Variants in SLC35F1 observed in about 807,000 individuals in gnomAD.
SLC35F1 encodes the protein solute carrier family 35 member F1, also known as chromosome 6 open reading frame 169.
A neutral mutation model predicts 48.7 loss-of-function variants in SLC35F1; 14 were observed. The observed-to-expected ratio is 0.29, with a 90% CI of 0.19 to 0.45. The LOEUF is 0.45. SLC35F1 is among the 20% of genes least tolerant of loss of function. The pLI is 1.00. For synonymous variants in SLC35F1, 190 were observed against 202.2 expected (o/e 0.94, Z 0.51); for missense variants, 404 against 500.0 (o/e 0.81, Z 1.83).
intron 2 of SLC35F1, among the ~76,000 whole-genome samples, chr6:118,180,822 C>T (rs571253695): frequency 6.6e-6 from 1 of 152,042 alleles, no homozygotes; most frequent in Admixed American, 6.6e-5. Flanking sequence ...ATAAAAGACA[C>T]AAATGCCTAG....
chr6:118,002,847 G>T (rs1777122188), intron 1 of SLC35F1, among the ~76,000 whole-genome samples: 1 of 151,498 alleles, frequency 6.6e-6, no homozygotes, highest in South Asian at 2.1e-4. Context: ...TTATTTTTGA[G>T]AATTAAAAAA....
At chr6:118,150,872 C>T (rs988628387) in intron 1 of SLC35F1, among the ~76,000 whole-genome samples, 1 of 152,042 alleles carries the variant, frequency 6.6e-6, no homozygotes, top group Non-Finnish European at 1.5e-5. Context: ...GCAAAGTCAA[C>T]ATCTCTAATT....
intron 1 of SLC35F1, among the ~76,000 whole-genome samples, chr6:118,058,836 A>T (rs1772497193): frequency 6.6e-6 from 1 of 152,192 alleles, no homozygotes; most frequent in Admixed American, 6.5e-5. Flanking sequence ...ACTTCAGAAC[A>T]TACAATCTGG....
At chr6:118,245,815 G>T (rs1169854868) in intron 3 of SLC35F1, among the ~76,000 whole-genome samples, 1 of 152,142 alleles carries the variant, frequency 6.6e-6, no homozygotes, top group Non-Finnish European at 1.5e-5. Context: ...GCTGGGTGTG[G>T]GGCTTCTGCC....
intron 1 of SLC35F1, among the ~76,000 whole-genome samples, chr6:118,064,613 G>A (rs755672426): frequency 6.6e-6 from 1 of 152,082 alleles, no homozygotes; most frequent in Non-Finnish European, 1.5e-5. Context: ...GTTTCTATTG[G>A]GAAGTCTCAG....
intron 2 of SLC35F1, among the ~76,000 whole-genome samples, chr6:118,182,757 T>G (rs1343225221): frequency 6.6e-6 from 1 of 152,118 alleles, no homozygotes; most frequent in African/African-American, 2.4e-5. Context: ...GATGTGGATG[T>G]TCTATATTAT....
intron 3 of SLC35F1, among the ~76,000 whole-genome samples, chr6:118,258,924 A>G (rs1775678567): frequency 6.6e-6 from 1 of 151,938 alleles, no homozygotes; most frequent in Non-Finnish European, 1.5e-5. Flanking sequence ...AAATAACTAA[A>G]AGAACACATA....
chr6:118,013,750 G>C (rs1777283234), intron 1 of SLC35F1, among the ~76,000 whole-genome samples: 1 of 152,016 alleles, frequency 6.6e-6, no homozygotes, highest in South Asian at 2.1e-4. Flanking sequence ...GATTGTTTTA[G>C]CATGCTCTAG....
chr6:118,119,127 C>T (rs959434287), intron 1 of SLC35F1, among the ~76,000 whole-genome samples: 3 of 152,118 alleles, frequency 2.0e-5, no homozygotes, highest in African/African-American at 4.8e-5. Flanking sequence ...ATAAGTATTG[C>T]TCAGTGGTCA....
chr6:118,226,559 C>T (rs967781781), intron 2 of SLC35F1, among the ~76,000 whole-genome samples: 6 of 151,962 alleles, frequency 3.9e-5, no homozygotes, highest in Non-Finnish European at 7.4e-5. Context: ...TTTGCAACAA[C>T]ATGGATGGAA....
At chr6:118,261,470 C>T (rs1373791718) in intron 3 of SLC35F1, among the ~76,000 whole-genome samples, 1 of 152,128 alleles carries the variant, frequency 6.6e-6, no homozygotes, top group Non-Finnish European at 1.5e-5. Flanking sequence ...AACACATTTT[C>T]TTTGTAGAAA....
rs35420310 is a variant in SLC35F1, at chr6:117,966,131, GC to G, written c.173+58243del. Among the ~76,000 whole-genome samples, 63 of 101,156 alleles carry G rather than the reference GC, an allele frequency of 6.2e-4. 8 individuals carry two copies. The highest frequency in any genetic ancestry group is 2.5e-3 in the African/African-American group (58 of 23,538). 66.4% of individuals were successfully genotyped at this position (101,156 alleles called of 152,430 possible). A position where few individuals can be genotyped will look rare whatever the true frequency, so the allele number is the denominator to read the frequency against. On this transcript the variant is annotated intron_variant, in intron 1 of 7. Coordinates refer to ENST00000360388, the MANE Select transcript of SLC35F1 (RefSeq NM_001029858.4). ...AATAAGGGAATAAAAGCAGGCCACCGCCCCCCCCCCCACTCCCGCCCCGCCC... is the reference window on the plus strand; with the variant it reads ...AATAAGGGAATAAAAGCAGGCCACCGCCCCCCCCCCACTCCCGCCCCGCCC...
At chr6:118,058,975 C>A (rs1308146868) in intron 1 of SLC35F1, among the ~76,000 whole-genome samples, 1 of 152,136 alleles carries the variant, frequency 6.6e-6, no homozygotes, top group Non-Finnish European at 1.5e-5. Flanking sequence ...TGTCACAAAG[C>A]TAACCTCAGC....
At chr6:118,162,454 G>A (rs1196860618) in intron 2 of SLC35F1, among the ~76,000 whole-genome samples, 1 of 152,124 alleles carries the variant, frequency 6.6e-6, no homozygotes, top group East Asian at 1.9e-4. Context: ...TTTTGTAGAG[G>A]TTACCTGACT....
chr6:117,973,092 C>T (rs1776663639), intron 1 of SLC35F1, among the ~76,000 whole-genome samples: 2 of 152,134 alleles, frequency 1.3e-5, no homozygotes, highest in South Asian at 4.1e-4. Context: ...TCACAGGAGG[C>T]TGGAAGTCCA....
At chr6:118,223,253 C>T (rs1775174025) in intron 2 of SLC35F1, among the ~76,000 whole-genome samples, 1 of 152,198 alleles carries the variant, frequency 6.6e-6, no homozygotes, top group African/African-American at 2.4e-5. Flanking sequence ...GGAAAAATAA[C>T]TTAACCTCTT....
chr6:118,065,631 G>T (rs557149313), intron 1 of SLC35F1, among the ~76,000 whole-genome samples: 2 of 152,078 alleles, frequency 1.3e-5, no homozygotes, highest in East Asian at 3.8e-4. Context: ...ATCAAAAAAA[G>T]AAAAGATTGG....
chr6:118,230,909 C>T lies in SLC35F1; in HGVS notation c.350-4600C>T, dbSNP rs530934180. On this transcript the variant is annotated intron_variant, in intron 2 of 7. Transcript: ENST00000360388. Reference sequence around the variant, plus strand: ...CCAGGAAGTCAGGGCTTCAGAGAGCCATGGTCACGCCACTGCACTCCAGTC... The same window carrying T: ...CCAGGAAGTCAGGGCTTCAGAGAGCTATGGTCACGCCACTGCACTCCAGTC... Among the ~76,000 whole-genome samples the T allele has an allele frequency of 3.3e-5, 5 of 152,216 alleles. No individual in the cohort carries two copies. In the South Asian group the frequency reaches 1.0e-3, roughly 32 times the overall value.
intron 1 of SLC35F1, among the ~76,000 whole-genome samples, chr6:117,941,303 T>C (rs1180411628): frequency 6.6e-6 from 1 of 152,192 alleles, no homozygotes; most frequent in African/African-American, 2.4e-5. Context: ...AGAAAACATA[T>C]TGGAAAGAGT....
Sources: gnomAD v4.1 joint callset for allele counts (sites outside exome capture counted in the v4.1 genomes callset) on GRCh38, gnomAD v4.1.1 for gene constraint, MANE v1.5 for transcripts, NCBI Gene and HGNC (gene_info 2026-07-23, HGNC 2026-07-21) for gene names.